Variants in DACH1 observed in about 807,000 individuals in gnomAD.
The protein encoded by DACH1 is dachshund homolog 1.
DACH1 carries 12 observed loss-of-function variants against 54.2 expected under a neutral mutation model. The ratio of observed to expected loss-of-function variants is 0.22; its 90% CI spans 0.14 to 0.36. DACH1 has a LOEUF of 0.36. DACH1 is among the 10% of genes least tolerant of loss of function. The pLI is 1.00. For missense variants in DACH1, 805 were observed against 929.8 expected, an observed-to-expected ratio of 0.87 and a Z score of 1.75; for synonymous variants, 386 against 366.2, an observed-to-expected ratio of 1.05 and a Z score of -0.62.
intron 1 of DACH1, among the ~76,000 whole-genome samples, chr13:71,785,070 C>A (rs1033772907): frequency 1.3e-5 from 2 of 152,052 alleles, no homozygotes; most frequent in African/African-American, 4.8e-5. Context: ...TCTAAAAATG[C>A]AATTTGTTTC....
At chr13:71,681,698 GA>G in intron 2 of DACH1, 96 bp downstream of exon 2, 1 of 708,066 alleles carries the variant, frequency 1.4e-6, no homozygotes, top group South Asian at 2.2e-5. Context: ...AAATATAATT[GA>G]TGTGTGTAAA....
At chr13:71,802,706 A>C (rs1887336272) in intron 1 of DACH1, among the ~76,000 whole-genome samples, 1 of 152,172 alleles carries the variant, frequency 6.6e-6, no homozygotes, top group South Asian at 2.1e-4. Context: ...GCTTTTGTGA[A>C]TAATGAAAAC....
At chr13:71,697,301 G>T (rs1016511280) in intron 1 of DACH1, among the ~76,000 whole-genome samples, 1 of 152,140 alleles carries the variant, frequency 6.6e-6, no homozygotes, top group African/African-American at 2.4e-5. Flanking sequence ...GCTGATCTAT[G>T]GCCATCTGAA....
At chr13:71,534,209 T>G (rs1882602934) in intron 6 of DACH1, among the ~76,000 whole-genome samples, 2 of 152,216 alleles carry the variant, frequency 1.3e-5, no homozygotes, top group South Asian at 4.1e-4. Context: ...AGGCAATATT[T>G]TTTATGTTGA....
intron 4 of DACH1, among the ~76,000 whole-genome samples, chr13:71,562,484 C>T (rs181687235): frequency 2.6e-5 from 4 of 152,070 alleles, no homozygotes; most frequent in East Asian, 3.9e-4. Flanking sequence ...TGTTCAGAGA[C>T]GTTTATAACA....
chr13:71,592,514 AAAAG>A (rs1873804641), intron 3 of DACH1, among the ~76,000 whole-genome samples: 1 of 141,612 alleles, frequency 7.1e-6, no homozygotes, highest in African/African-American at 2.6e-5. Context: ...AAAAAAAAAA[AAAAG>A]AAAAGAAAAA....
chr13:71,681,978 C>A, intron 1 of DACH1, 68 bp from the exon 2 acceptor site: 1 of 915,616 alleles, frequency 1.1e-6, no homozygotes, highest in Non-Finnish European at 1.7e-6. Context: ...AAAGTTGTTT[C>A]AAGTGGTAAC....
At chr13:71,504,196 T>A (rs939627205) in intron 6 of DACH1, among the ~76,000 whole-genome samples, 1 of 152,196 alleles carries the variant, frequency 6.6e-6, no homozygotes, top group Non-Finnish European at 1.5e-5. Context: ...GAAATACACA[T>A]CTGTTGGCTC....
At chr13:71,446,095 C>A (rs1234100390) in intron 10 of DACH1, among the ~76,000 whole-genome samples, 3 of 152,104 alleles carry the variant, frequency 2.0e-5, no homozygotes, top group African/African-American at 7.2e-5. Flanking sequence ...CCCTGGAGTG[C>A]GTCCATAGCT....
intron 2 of DACH1, among the ~76,000 whole-genome samples, chr13:71,673,424 A>G (rs1286910783): frequency 6.6e-6 from 1 of 152,080 alleles, no homozygotes; most frequent in African/African-American, 2.4e-5. Flanking sequence ...TAAGAAATAT[A>G]TTTTATTTAT....
In DACH1 at chr13:71,865,309, GC is replaced by G. The variant is rs1874654827; in HGVS notation, c.848+612del. ...GGGATGGACCCGGTCTCTCAGCTTC[GC>G]GGGTCATTTCCCTCCCGACCTCAAA... On this transcript the variant is annotated intron_variant, in intron 1 of 10. Transcript: ENST00000613252. Among the ~76,000 whole-genome samples the G allele has an allele frequency of 4.6e-5, 7 of 152,204 alleles. No individual in the cohort carries two copies. In the South Asian group the frequency reaches 1.4e-3, roughly 32 times the overall value.
intron 1 of DACH1, among the ~76,000 whole-genome samples, chr13:71,820,657 TAAA>T (rs1888150637): frequency 6.6e-6 from 1 of 152,118 alleles, no homozygotes; most frequent in Non-Finnish European, 1.5e-5. Context: ...GTAAGTCTAA[TAAA>T]AATAATCACA....
chr13:71,718,150 G>A (rs1276752754), intron 1 of DACH1, among the ~76,000 whole-genome samples: 1 of 152,046 alleles, frequency 6.6e-6, no homozygotes, highest in East Asian at 1.9e-4. Flanking sequence ...GAAAAGATGA[G>A]AACAAAATGG....
intron 1 of DACH1, among the ~76,000 whole-genome samples, chr13:71,779,222 TATACGTATATATACAC>T (rs1183134525): frequency 8.7e-5 from 9 of 102,894 alleles, no homozygotes; most frequent in Non-Finnish European, 1.7e-4. Context: ...TATATACGTA[TATACGTATATATACAC>T]ATATATACGT....
At chr13:71,544,317 A>G (rs148656547) in intron 6 of DACH1, among the ~76,000 whole-genome samples, 95 of 152,272 alleles carry the variant, frequency 6.2e-4, no homozygotes, top group Middle Eastern at 3.4e-3. Context: ...ATAAACTCCT[A>G]TATATGGGTT....
chr13:71,728,657 C>T (rs9529911), intron 1 of DACH1, among the ~76,000 whole-genome samples: 7 of 151,990 alleles, frequency 4.6e-5, no homozygotes, highest in Non-Finnish European at 8.8e-5. Context: ...AAGCAAACAA[C>T]AGATAAGCTC....
chr13:71,602,732 G>A (rs1482967004), intron 3 of DACH1, among the ~76,000 whole-genome samples: 1 of 151,908 alleles, frequency 6.6e-6, no homozygotes, highest in Non-Finnish European at 1.5e-5. Context: ...GTTAAATGGA[G>A]AAATTCTGTC....
At chr13:71,865,548 C>G (rs569473264) in intron 1 of DACH1, among the ~76,000 whole-genome samples, 3 of 152,244 alleles carry the variant, frequency 2.0e-5, no homozygotes, top group African/African-American at 7.2e-5. Flanking sequence ...GACAGCAGCG[C>G]TGAGAGGGGT....
In DACH1 at chr13:71,779,292, C is replaced by T. The variant is rs896574467; in HGVS notation, c.848+86630G>A. Among the ~76,000 whole-genome samples the T allele has an allele frequency of 2.0e-4, 25 of 128,078 alleles. 2 individuals carry two copies. Among genetic ancestry groups the T allele is most frequent in the African/African-American group, 8.5e-4 (23 of 27,186 alleles). The allele number at this position is 128,078 out of a possible 152,430, so 84.0% of individuals were successfully genotyped here. On this transcript the variant is annotated intron_variant, in intron 1 of 10. Coordinates refer to ENST00000613252, the MANE Select transcript of DACH1 (RefSeq NM_080759.6). Reference sequence around the variant, plus strand: ...ATATATACGTATATACGTATATATACACATATATATATTTATATACATATA... The same window carrying T: ...ATATATACGTATATACGTATATATATACATATATATATTTATATACATATA...
Sources: allele counts gnomAD v4.1 joint callset (sites outside exome capture counted in the v4.1 genomes callset), GRCh38; gene constraint gnomAD v4.1.1; transcripts MANE v1.5; gene names NCBI Gene and HGNC (gene_info 2026-07-23, HGNC 2026-07-21).